The following ANKS1B variants were observed in gnomAD, a reference collection of about 807,000 sequenced individuals.
ANKS1B encodes the protein ankyrin repeat and sterile alpha motif domain containing 1B, also known as ankyrin repeat and sterile alpha motif domain-containing protein 1B.
Under a neutral mutation model 148.3 loss-of-function variants are expected in ANKS1B, and 36 were observed. The ratio of observed to expected loss-of-function variants is 0.24; its 90% confidence interval spans 0.19 to 0.32. The LOEUF (loss-of-function observed/expected upper bound fraction) is 0.32, where lower values mean the gene tolerates loss of function less well. Ranked by LOEUF, ANKS1B falls within the 10% of genes least tolerant of loss-of-function variation. ANKS1B has a pLI of 1.00. For missense variants in ANKS1B, 1,157 were observed against 1,542.6 expected (o/e 0.75, Z 4.19); for synonymous variants, 542 against 560.8 (o/e 0.97, Z 0.47).
intron 1 of ANKS1B, among the ~76,000 whole-genome samples, chr12:99,875,402 A>G (rs946178479): frequency 8.6e-5 from 13 of 151,944 alleles, no homozygotes; most frequent in Non-Finnish European, 4.4e-5. Context: ...ATCAAGCCAC[A>G]AAAATTGTGC....
Position 99,812,285 on chromosome 12 carries a change from T to G in ANKS1B, c.242A>C (p.Tyr81Ser). The change falls in exon 3 of 27, where the codon TAT becomes TCT. Residue 81 changes from tyrosine to serine, a missense_variant. Coordinates refer to ENST00000683438, the MANE Select transcript of ANKS1B (RefSeq NM_001352186.2). ...HKDIVLKLLQ[Y>S]EASTNVADNK... is the part of the protein sequence containing the mutation. ...GTCTGCTACATTTGTTGATGCCTCA[T>G]ACTGAAGTAGTTTGAGAACTATGTC... 2 of 1,611,456 alleles carry G rather than the reference T, an allele frequency of 1.2e-6. No homozygotes were observed. The highest frequency in any genetic ancestry group is 1.7e-6 in the Non-Finnish European group (2 of 1,178,324).
intron 12 of ANKS1B, among the ~76,000 whole-genome samples, chr12:99,278,329 T>C (rs2077953057): frequency 6.6e-6 from 1 of 152,240 alleles, no homozygotes; most frequent in South Asian, 2.1e-4. Context: ...ATGTGTTGAA[T>C]CCTGCAAGGT....
intron 22 of ANKS1B, among the ~76,000 whole-genome samples, chr12:98,791,602 A>G (rs1032931318): frequency 8.5e-5 from 13 of 152,186 alleles, no homozygotes; most frequent in Admixed American, 5.9e-4. Flanking sequence ...GCTAGAATGC[A>G]GTGGCTGTTC....
At chr12:99,562,728 T>G (rs911343682) in intron 9 of ANKS1B, among the ~76,000 whole-genome samples, 6 of 152,184 alleles carry the variant, frequency 3.9e-5, no homozygotes, top group Non-Finnish European at 8.8e-5. Flanking sequence ...TCACTCACTA[T>G]CATGAGAAGA....
At chr12:99,467,234 C>G (rs2096136722) in intron 10 of ANKS1B, among the ~76,000 whole-genome samples, 1 of 152,108 alleles carries the variant, frequency 6.6e-6, no homozygotes, top group South Asian at 2.1e-4. Context: ...TGACAAAATT[C>G]AACAATGCTT....
intron 11 of ANKS1B, among the ~76,000 whole-genome samples, chr12:99,431,275 C>T (rs1163817094): frequency 6.6e-6 from 1 of 152,150 alleles, no homozygotes; most frequent in Admixed American, 6.5e-5. Context: ...ATCCATCTCA[C>T]GTGGTTTCTC....
intron 15 of ANKS1B, among the ~76,000 whole-genome samples, chr12:99,115,008 G>A (rs761794562): frequency 1.3e-5 from 2 of 152,146 alleles, no homozygotes; most frequent in Non-Finnish European, 2.9e-5. Flanking sequence ...AGAAAAGGCA[G>A]CACTTACACA....
At chr12:99,964,748 G>A (rs1227079109) in intron 1 of ANKS1B, among the ~76,000 whole-genome samples, 1 of 152,194 alleles carries the variant, frequency 6.6e-6, no homozygotes, top group Non-Finnish European at 1.5e-5. Flanking sequence ...AGTCCAAGAA[G>A]GATGAAAAGA....
At chr12:99,483,047 G>C (rs535376812) in intron 10 of ANKS1B, among the ~76,000 whole-genome samples, 1 of 151,558 alleles carries the variant, frequency 6.6e-6, no homozygotes, top group South Asian at 2.1e-4. Flanking sequence ...AAAAGGTATG[G>C]TGGAAGTAGG....
intron 17 of ANKS1B, among the ~76,000 whole-genome samples, chr12:98,847,597 A>T (rs1567117172): frequency 1.3e-5 from 2 of 151,784 alleles, no homozygotes; most frequent in African/African-American, 4.8e-5. Flanking sequence ...CAAGATCTTA[A>T]TTTTTTTTCT....
intron 12 of ANKS1B, among the ~76,000 whole-genome samples, chr12:99,306,621 A>G (rs942956604): frequency 7.2e-5 from 11 of 152,120 alleles, no homozygotes; most frequent in Admixed American, 2.0e-4. Context: ...AAGACATTTT[A>G]AAACTTTTAA....
At chr12:99,788,302 G>A (rs1032402485) in intron 4 of ANKS1B, among the ~76,000 whole-genome samples, 1 of 152,178 alleles carries the variant, frequency 6.6e-6, no homozygotes, top group Non-Finnish European at 1.5e-5. Flanking sequence ...CTCAGCCATA[G>A]TAGGACAGGG....
At chr12:99,063,598 A>C (rs75344139) in intron 16 of ANKS1B, among the ~76,000 whole-genome samples, 1 of 152,168 alleles carries the variant, frequency 6.6e-6, no homozygotes, top group African/African-American at 2.4e-5. Context: ...CTTTGCTGGG[A>C]GGGACGTCTC....
chr12:98,849,756 A>G (rs950042659), intron 17 of ANKS1B, among the ~76,000 whole-genome samples: 2 of 152,250 alleles, frequency 1.3e-5, no homozygotes, highest in African/African-American at 2.4e-5. Context: ...CTTAATTTTA[A>G]AAGAGTAACC....
At chr12:99,552,658 A>G (rs1172196355) in intron 9 of ANKS1B, among the ~76,000 whole-genome samples, 2 of 152,236 alleles carry the variant, frequency 1.3e-5, no homozygotes, top group African/African-American at 2.4e-5. Flanking sequence ...AATCATAGAT[A>G]TAAACAATAA....
intron 8 of ANKS1B, among the ~76,000 whole-genome samples, chr12:99,723,278 G>C (rs2058281576): frequency 6.6e-6 from 1 of 152,214 alleles, no homozygotes; most frequent in Admixed American, 6.5e-5. Flanking sequence ...AAGGGTGGCA[G>C]CCATCTCTAT....
intron 1 of ANKS1B, among the ~76,000 whole-genome samples, chr12:99,910,614 T>A (rs1393556561): frequency 6.6e-6 from 1 of 152,150 alleles, no homozygotes; most frequent in Non-Finnish European, 1.5e-5. Context: ...ATGAACATAT[T>A]CTAAAATTAG....
intron 8 of ANKS1B, among the ~76,000 whole-genome samples, chr12:99,672,726 C>G (rs1206362466): frequency 1.3e-5 from 2 of 152,132 alleles, no homozygotes; most frequent in African/African-American, 4.8e-5. Context: ...CATGATTGTC[C>G]TTCCTTGGAT....
chr12:99,627,960 TAC>T (rs577879957), intron 9 of ANKS1B, among the ~76,000 whole-genome samples: 103 of 152,280 alleles, frequency 6.8e-4, no homozygotes, highest in Non-Finnish European at 7.9e-4. Flanking sequence ...ACAAAGAACG[TAC>T]AGTCATGTAT....
Sources: gnomAD v4.1 joint callset for allele counts (sites outside exome capture counted in the v4.1 genomes callset) on GRCh38, gnomAD v4.1.1 for gene constraint, MANE v1.5 for transcripts, NCBI Gene and HGNC (gene_info 2026-07-23, HGNC 2026-07-21) for gene names.